RNLS: variants seen among roughly 807,000 people sequenced by gnomAD.
The protein encoded by RNLS is renalase, FAD dependent amine oxidase.
Under a neutral mutation model 39.8 loss-of-function variants are expected in RNLS, and 39 were observed. The ratio of observed to expected loss-of-function variants is 0.98; its 90% CI spans 0.76 to 1.28. The LOEUF is 1.28. Among genes scored for constraint, RNLS ranks in the 50% most tolerant of loss-of-function variants. The pLI, the probability that RNLS is intolerant of heterozygous loss-of-function variation, is 0.00. For synonymous variants in RNLS, 147 were observed against 150.7 expected, an observed-to-expected ratio of 0.98 and a Z score of 0.18; for missense variants, 410 against 413.3, an observed-to-expected ratio of 0.99 and a Z score of 0.07.
At chr10:88,572,787 C>A in intron 4 of RNLS, 116 bp downstream of exon 4, 1 of 1,051,260 alleles carries the variant, frequency 9.5e-7, no homozygotes, top group Non-Finnish European at 1.4e-6. Flanking sequence ...GTTTTTAAGA[C>A]AGGCAAATCA....
intron 4 of RNLS, among the ~76,000 whole-genome samples, chr10:88,558,562 C>A (rs1317960659): frequency 6.6e-6 from 1 of 152,042 alleles, no homozygotes; most frequent in Non-Finnish European, 1.5e-5. Flanking sequence ...ACTGCAATAA[C>A]AGAAGTGCCA....
chr10:88,464,203 G>C (rs1843085586), intron 4 of RNLS, among the ~76,000 whole-genome samples: 1 of 152,002 alleles, frequency 6.6e-6, no homozygotes, highest in South Asian at 2.1e-4. Context: ...AAATGAAAAA[G>C]AGCTCAGCAG....
chr10:88,339,962 C>G (rs1847811848), intron 5 of RNLS, among the ~76,000 whole-genome samples: 3 of 152,148 alleles, frequency 2.0e-5, no homozygotes, highest in Admixed American at 6.5e-5. Flanking sequence ...AATGACAGCT[C>G]AAGACTCATA....
At chr10:88,418,776 G>A (rs1167454295) in intron 4 of RNLS, among the ~76,000 whole-genome samples, 1 of 152,090 alleles carries the variant, frequency 6.6e-6, no homozygotes, top group African/African-American at 2.4e-5. Context: ...TGTATACAAT[G>A]GAGTATATAC....
intron 4 of RNLS, among the ~76,000 whole-genome samples, chr10:88,509,514 C>T (rs1375805855): frequency 3.5e-5 from 2 of 57,254 alleles, no homozygotes; most frequent in African/African-American, 6.9e-5. Context: ...GACAGGAGGG[C>T]GGGGGAGAAG....
chr10:88,210,730 C>T, the RNLS span, among the ~76,000 whole-genome samples: 1 of 152,246 alleles, frequency 6.6e-6, no homozygotes, highest in South Asian at 2.1e-4. Context: ...TGGAGTTGAG[C>T]TTGAGAGTGT....
At chr10:88,287,305 A>G (rs549590539) in intron 6 of RNLS, among the ~76,000 whole-genome samples, 11 of 152,250 alleles carry the variant, frequency 7.2e-5, no homozygotes, top group South Asian at 2.1e-4. Context: ...AACATCATCT[A>G]TCACAAACAT....
At chr10:88,189,976 C>T in the RNLS span, among the ~76,000 whole-genome samples, 5 of 152,178 alleles carry the variant, frequency 3.3e-5, no homozygotes, top group African/African-American at 1.2e-4. Flanking sequence ...TAACCAGAAC[C>T]ATGACTCCTT....
intron 4 of RNLS, among the ~76,000 whole-genome samples, chr10:88,468,512 A>G (rs1843338778): frequency 1.3e-5 from 2 of 152,170 alleles, no homozygotes; most frequent in Admixed American, 1.3e-4. Flanking sequence ...TACAACTACA[A>G]ATAACTGATA....
At chr10:88,542,946 C>G (rs991778582) in intron 4 of RNLS, among the ~76,000 whole-genome samples, 2 of 122,718 alleles carry the variant, frequency 1.6e-5, no homozygotes, top group Non-Finnish European at 3.3e-5. Flanking sequence ...ATTTTCCTAA[C>G]ACACAACAAT....
chr10:88,383,095 A>G (rs1230243688), intron 4 of RNLS, among the ~76,000 whole-genome samples: 1 of 152,136 alleles, frequency 6.6e-6, no homozygotes, highest in Non-Finnish European at 1.5e-5. Context: ...CAGTAGTGTC[A>G]ATGGTGATAT....
chr10:88,467,664 A>C (rs1008044311), intron 4 of RNLS, among the ~76,000 whole-genome samples: 10 of 152,104 alleles, frequency 6.6e-5, no homozygotes, highest in African/African-American at 9.7e-5. Flanking sequence ...AATTAAAAAA[A>C]AATGCCTGAG....
At chr10:88,274,847 A>G (rs574704942) in exon 7 of RNLS, 2 of 753,512 alleles carry the variant, frequency 2.7e-6, no homozygotes, top group Admixed American at 2.2e-5. Flanking sequence ...CATCCTTGCC[A>G]ACATTTATCT....
chr10:88,487,167 A>T (rs1028744033), intron 4 of RNLS, among the ~76,000 whole-genome samples: 1 of 152,144 alleles, frequency 6.6e-6, no homozygotes, highest in Non-Finnish European at 1.5e-5. Context: ...ATTCACGGAG[A>T]CAAAGCAGGA....
chr10:88,465,595 G>A (rs1419561155), intron 4 of RNLS, among the ~76,000 whole-genome samples: 1 of 152,030 alleles, frequency 6.6e-6, no homozygotes, highest in Non-Finnish European at 1.5e-5. Flanking sequence ...AGAGATGATA[G>A]CTGGACTCAA....
the RNLS span, among the ~76,000 whole-genome samples, chr10:88,230,996 C>G: frequency 6.6e-6 from 1 of 152,186 alleles, no homozygotes; most frequent in South Asian, 2.1e-4. Flanking sequence ...TTCCTGAATC[C>G]TTTCCTGATT....
the RNLS span, among the ~76,000 whole-genome samples, chr10:88,187,195 TA>T: frequency 2.4e-4 from 2 of 8,236 alleles, no homozygotes; most frequent in South Asian, 4.1e-3. Context: ...ATAATATATA[TA>T]ATATATATAT....
At chr10:88,570,972 T>TG (rs796483820) in intron 4 of RNLS, among the ~76,000 whole-genome samples, 543 of 51,250 alleles carry the variant, frequency 0.011, 5 homozygotes, top group African/African-American at 0.054. Flanking sequence ...TCTTTTTTTT[T>TG]TTTTTTTTTT....
chr10:88,412,782 T>G (rs1853761259), intron 4 of RNLS, among the ~76,000 whole-genome samples: 1 of 152,190 alleles, frequency 6.6e-6, no homozygotes, highest in Non-Finnish European at 1.5e-5. Context: ...CCAATTGCTT[T>G]CTATAGATTG....
Sources: gnomAD v4.1 joint callset for allele counts (sites outside exome capture counted in the v4.1 genomes callset) on GRCh38, gnomAD v4.1.1 for gene constraint, MANE v1.5 for transcripts, NCBI Gene and HGNC (gene_info 2026-07-23, HGNC 2026-07-21) for gene names.